Variants in CCNT2 observed in about 807,000 individuals in gnomAD.
CCNT2 encodes the protein cyclin-T2.
Under a neutral mutation model 70.0 loss-of-function variants are expected in CCNT2, and 18 were observed. The ratio of observed to expected loss-of-function variants is 0.26; its 90% CI spans 0.18 to 0.38. CCNT2 has a LOEUF of 0.38. CCNT2 is among the 10% of genes least tolerant of loss of function. The pLI, the probability that CCNT2 is intolerant of heterozygous loss-of-function variation, is 1.00. For synonymous variants in CCNT2, 334 were observed against 313.3 expected, an observed-to-expected ratio of 1.07 and a Z score of -0.70; for missense variants, 734 against 890.2, an observed-to-expected ratio of 0.82 and a Z score of 2.23.
Position 134,942,599 on chromosome 2 carries a change from C to CTTA in CCNT2, c.431-11_431-9dup. ...TGGTAAGAGATTGGAAAAAAAAGTG[C>CTTA]TTATCATTTCAGGTTTTGAGATCAC... On this transcript the variant is annotated splice_polypyrimidine_tract_variant and intron_variant, in intron 4 of 8. Transcript: ENST00000264157. The CTTA allele has an allele frequency of 6.2e-7, 1 of 1,606,268 alleles. No homozygotes were observed. Among genetic ancestry groups the CTTA allele is most frequent in the South Asian group, 1.1e-5 (1 of 90,044 alleles).
intron 2 of CCNT2, among the ~76,000 whole-genome samples, chr2:134,926,741 C>T (rs1199581289): frequency 1.3e-5 from 2 of 152,098 alleles, no homozygotes; most frequent in African/African-American, 2.4e-5. Context: ...CCTGTTTTTT[C>T]CTCATTCGTA....
chr2:134,948,196 A>G (rs1180306660), intron 7 of CCNT2, among the ~76,000 whole-genome samples: 2 of 151,990 alleles, frequency 1.3e-5, no homozygotes, highest in South Asian at 2.1e-4. Flanking sequence ...GTGCGTGCCT[A>G]TAGTCTCAGC....
Position 134,927,826 on chromosome 2 carries a change from T to C in CCNT2, c.240+7935T>C, listed in dbSNP as rs1680408391. Among the ~76,000 whole-genome samples the C allele has an allele frequency of 3.3e-5, 5 of 152,300 alleles. No individual in the cohort carries two copies. In the South Asian group the frequency reaches 1.0e-3, roughly 32 times the overall value. On this transcript the variant is annotated intron_variant, in intron 2 of 8. Transcript: ENST00000264157. ...GGAAATGATGGAATCTCCTTACCAC[T>C]CTACATTTTCTGGTGTTAACCTAAT...
chr2:134,947,897 A>G lies in CCNT2; in HGVS notation c.701A>G (p.Asp234Gly), dbSNP rs747807777. ...VDPTVTLELL[D>G]ELTHEFLQIL... ...CCTACAGTTACTCTAGAATTATTAG[A>G]TGGTAAGTAGAGAAAATAAATTTTT... Residue 234 changes from aspartate to glycine, a missense_variant and splice_region_variant, in exon 7 of 9, where the codon GAT (aspartate) becomes GGT (glycine). Asp to Gly is a moderately conservative substitution (Grantham distance 94). Coordinates refer to ENST00000264157, the MANE Select transcript of CCNT2 (RefSeq NM_058241.3). 1 of 1,473,314 alleles carries G rather than the reference A, an allele frequency of 6.8e-7. No individual in the cohort carries two copies. Among genetic ancestry groups the G allele is most frequent in the South Asian group, 1.4e-5 (1 of 69,312 alleles). The allele number at this position is 1,473,314 out of a possible 1,614,324, so 91.3% of individuals were successfully genotyped here.
intron 5 of CCNT2, chr2:134,943,105 C>G: frequency 1.0e-6 from 1 of 985,182 alleles, no homozygotes; most frequent in Non-Finnish European, 1.2e-6. Flanking sequence ...TAAAAATTGC[C>G]TTTGTTAAAA....
At chr2:134,945,960 C>T in intron 5 of CCNT2, 141 bp from the exon 6 acceptor site, 2 of 1,559,080 alleles carry the variant, frequency 1.3e-6, no homozygotes, top group Non-Finnish European at 8.7e-7. Flanking sequence ...AAAATGATGG[C>T]GCTCTTGTGA....
chr2:134,920,680 T>A (rs1020780707), intron 2 of CCNT2, among the ~76,000 whole-genome samples: 1 of 152,236 alleles, frequency 6.6e-6, no homozygotes, highest in Admixed American at 6.5e-5. Flanking sequence ...TAACTCTGCT[T>A]TAATTCTGTC....
chr2:134,935,994 T>C (rs1224366434), intron 2 of CCNT2, among the ~76,000 whole-genome samples: 1 of 152,144 alleles, frequency 6.6e-6, no homozygotes, highest in East Asian at 1.9e-4. Context: ...GTGGTTTTTC[T>C]GTTCCTTCAA....
chr2:134,945,309 G>A, intron 5 of CCNT2: 1 of 985,370 alleles, frequency 1.0e-6, no homozygotes, highest in Non-Finnish European at 1.2e-6. Flanking sequence ...ATATGTCAGT[G>A]CTTGTGGATG....
chr2:134,949,030 T>C (rs1173098556), intron 7 of CCNT2, among the ~76,000 whole-genome samples: 1 of 151,664 alleles, frequency 6.6e-6, no homozygotes, highest in Non-Finnish European at 1.5e-5. Context: ...TTGTGTTGTT[T>C]TGTTTTTTGA....
At chr2:134,946,744 A>G (rs192457653) in intron 6 of CCNT2, among the ~76,000 whole-genome samples, 47 of 150,836 alleles carry the variant, frequency 3.1e-4, no homozygotes, top group East Asian at 2.5e-3. Context: ...AAAAAATGGT[A>G]TGTGTTTATG....
At chr2:134,920,102 G>A in intron 2 of CCNT2, 2 of 433,750 alleles carry the variant, frequency 4.6e-6, no homozygotes, top group East Asian at 4.2e-5. Flanking sequence ...GCTCTGCCAG[G>A]CCTTTTAAGC....
Position 134,959,224 on chromosome 2 carries a change from A to G in CCNT2, c.*4576A>G, listed in dbSNP as rs1037451491. ...TCAAAACTCCCAACAACAATTGAAC[A>G]GGATGTTTGCTAATAGAAAATCTAA... On this transcript the variant is annotated 3_prime_UTR_variant, in exon 9 of 9. Transcript: ENST00000264157. The G allele has an allele frequency of 2.0e-5, 3 of 152,170 alleles. No homozygotes were observed. Among genetic ancestry groups the G allele is most frequent in the African/African-American group, 7.2e-5 (3 of 41,450 alleles). The allele number at this position is 152,170 out of a possible 1,614,324, so 9.4% of individuals were successfully genotyped here. A position where few individuals can be genotyped will look rare whatever the true frequency, so the allele number is the denominator to read the frequency against.
At chr2:134,942,714 T>C in intron 5 of CCNT2, 40 bp downstream of exon 5, 1 of 1,529,624 alleles carries the variant, frequency 6.5e-7, no homozygotes, top group Non-Finnish European at 8.9e-7. Flanking sequence ...GTATTAATGC[T>C]TTTTATTATC....
chr2:134,954,137 A>G lies in CCNT2; in HGVS notation c.1682A>G (p.Lys561Arg). The change falls in exon 9 of 9, where the codon AAG becomes AGG. Residue 561 changes from lysine (K) to arginine (R), a missense_variant. By Grantham distance (26) the Lys-to-Arg change is conservative (BLOSUM62 2). Coordinates refer to ENST00000264157, the MANE Select transcript of CCNT2 (RefSeq NM_058241.3). ...AGCAGAGACCATAAGGAGAAGCACA[A>G]GGAGCATCCTTCAAGCCGCCACCAC... ...HISRDHKEKHKEHPSSRHHTS... is the reference protein window; with the variant it reads ...HISRDHKEKHREHPSSRHHTS... 6.2e-7 allele frequency: 1 copy of G among 1,614,206 alleles called. No homozygotes were observed. The highest frequency in any genetic ancestry group is 8.5e-7 in the Non-Finnish European group (1 of 1,180,026).
At chr2:134,946,281 T>G in intron 6 of CCNT2, 135 bp downstream of exon 6, 2 of 1,278,122 alleles carry the variant, frequency 1.6e-6, no homozygotes, top group East Asian at 2.3e-5. Flanking sequence ...ACCTTCCTGT[T>G]TGCTTTGCGG....
chr2:134,920,110 A>T (rs1679778737), intron 2 of CCNT2: 1 of 414,790 alleles, frequency 2.4e-6, no homozygotes, highest in Non-Finnish European at 4.3e-6. Context: ...AGGCCTTTTA[A>T]GCTAAAAAAG....
intron 2 of CCNT2, among the ~76,000 whole-genome samples, chr2:134,924,792 C>T (rs78483860): frequency 0.011 from 1,695 of 152,214 alleles, 28 homozygotes; most frequent in African/African-American, 0.039. Context: ...TTTTAGCACC[C>T]AACTCTGCAT....
chr2:134,934,582 C>A (rs777537412), intron 2 of CCNT2, among the ~76,000 whole-genome samples: 1 of 152,192 alleles, frequency 6.6e-6, no homozygotes, highest in Non-Finnish European at 1.5e-5. Context: ...CACATGGATA[C>A]TCACAAAATA....
Sources: gnomAD v4.1 joint callset for allele counts (sites outside exome capture counted in the v4.1 genomes callset) on GRCh38, gnomAD v4.1.1 for gene constraint, MANE v1.5 for transcripts, NCBI Gene and HGNC (gene_info 2026-07-23, HGNC 2026-07-21) for gene names.